Variants in VPS13C observed in about 807,000 individuals in gnomAD.
The protein encoded by VPS13C is vacuolar protein sorting 13 homolog C.
Under a neutral mutation model 456.8 loss-of-function variants are expected in VPS13C, and 358 were observed. That is an observed-to-expected ratio of 0.78 (90% CI 0.72 to 0.86). VPS13C has a LOEUF of 0.86. Among genes scored for constraint, VPS13C ranks in the 40% least tolerant of loss-of-function variants. The pLI is 0.00. For missense variants in VPS13C, 4,818 were observed against 4,385.4 expected (o/e 1.10, Z -2.79); for synonymous variants, 1,578 against 1,486.7 (o/e 1.06, Z -1.41).
At chr15:62,021,452 G>GT (rs1567119702) in intron 8 of VPS13C, among the ~76,000 whole-genome samples, 1 of 151,718 alleles carries the variant, frequency 6.6e-6, no homozygotes, top group Non-Finnish European at 1.5e-5. Flanking sequence ...AGTTTTTGTT[G>GT]TATTTCTGAT....
chr15:62,032,873 C>T (rs1156487514), intron 5 of VPS13C, among the ~76,000 whole-genome samples: 1 of 151,652 alleles, frequency 6.6e-6, no homozygotes, highest in African/African-American at 2.4e-5. Flanking sequence ...CTTGTTCTTG[C>T]TCTATAAACC....
At position 61,973,460 on chromosome 15, in the gene VPS13C, C is replaced by G; in HGVS notation, c.2611G>C (p.Glu871Gln). ...AGTATTTTACTTTCCTTACCTGATT[C>G]CACAGTGTCTAGCAATAGTGAAGTA... ...LGTSLLLDTV[E>Q]SESDDEYFDA... Residue 871 changes from glutamate to glutamine, a missense_variant, in exon 26 of 85, where the codon GAA becomes CAA. Physicochemically the swap from Glu to Gln is conservative, Grantham distance 29. Around this residue, in one of 3 missense-constraint regions of VPS13C, gnomAD observed 4,552 missense variants for 4,130.6 expected, o/e 1.10. Transcript: ENST00000644861. The G allele has an allele frequency of 6.2e-7, 1 of 1,610,252 alleles. No individual in the cohort carries two copies. Among genetic ancestry groups the G allele is most frequent in the Non-Finnish European group, 8.5e-7 (1 of 1,176,908 alleles).
In VPS13C at chr15:61,981,417, A is replaced by C; in HGVS notation, c.2091T>G (p.Ser697=). The change falls in exon 22 of 85, where the codon TCT becomes TCG. Residue 697 remains serine, a synonymous_variant. Transcript: ENST00000644861. Reference sequence around the variant, plus strand: ...AACCCGTCTGTGGAACTACTAGATAAGAAGGCTTCAGATTTATCCTTAAAT... The same window carrying C: ...AACCCGTCTGTGGAACTACTAGATACGAAGGCTTCAGATTTATCCTTAAAT... ...VLDLRINLKP[S]YLVVPQTGFH... 6.2e-7 allele frequency: 1 copy of C among 1,613,056 alleles called. No individual in the cohort carries two copies. The highest frequency in any genetic ancestry group is 1.7e-5 in the Admixed American group (1 of 59,804).
At chr15:61,894,148 A>C (rs924798087) in intron 66 of VPS13C, among the ~76,000 whole-genome samples, 4 of 152,112 alleles carry the variant, frequency 2.6e-5, no homozygotes, top group African/African-American at 9.7e-5. Flanking sequence ...TCTACTAAAA[A>C]TACAAAAAAA....
At chr15:61,890,085 T>G in intron 67 of VPS13C, 80 bp downstream of exon 67, 1 of 1,340,092 alleles carries the variant, frequency 7.5e-7, no homozygotes, top group South Asian at 1.3e-5. Context: ...ACCAGGTATC[T>G]TTTTACTTTC....
chr15:61,948,267 G>C (rs1031857371), intron 42 of VPS13C, among the ~76,000 whole-genome samples: 1 of 152,104 alleles, frequency 6.6e-6, no homozygotes, highest in African/African-American at 2.4e-5. Flanking sequence ...TAATATAAAG[G>C]AGAGGAATTT....
intron 37 of VPS13C, among the ~76,000 whole-genome samples, chr15:61,955,766 C>T (rs898464723): frequency 6.6e-6 from 1 of 151,978 alleles, no homozygotes; most frequent in Admixed American, 6.6e-5. Context: ...ATTAAAAGAT[C>T]CATTAAAAGA....
intron 16 of VPS13C, among the ~76,000 whole-genome samples, chr15:61,997,016 T>C (rs1273409226): frequency 1.3e-5 from 2 of 151,146 alleles, no homozygotes; most frequent in East Asian, 3.9e-4. Flanking sequence ...TATATATGTA[T>C]AGAATATAAA....
At chr15:62,018,754 T>C (rs1204518090) in intron 9 of VPS13C, among the ~76,000 whole-genome samples, 5 of 152,136 alleles carry the variant, frequency 3.3e-5, no homozygotes, top group Admixed American at 6.5e-5. Context: ...TTCTCTTTTT[T>C]GGTTGTGTCT....
intron 1 of VPS13C, among the ~76,000 whole-genome samples, chr15:62,058,378 G>C (rs2048871200): frequency 6.6e-6 from 1 of 152,076 alleles, no homozygotes; most frequent in South Asian, 2.1e-4. Context: ...TGAGTGTGGT[G>C]GGGGGATGTA....
rs1182448125 is a variant in VPS13C at position 62,033,433 on chromosome 15, C to T, written c.385+8G>A. The T allele has an allele frequency of 2.5e-6, 4 of 1,585,930 alleles. No homozygotes were observed. Among genetic ancestry groups the T allele is most frequent in the Non-Finnish European group, 3.4e-6 (4 of 1,165,322 alleles). On this transcript the variant is annotated splice_region_variant and intron_variant, in intron 5 of 84. Coordinates refer to ENST00000644861, the MANE Select transcript of VPS13C (RefSeq NM_020821.3). ...TATGTCTAAGTTTATCTCAAAAAAA[C>T]TTTTTACCTTTTTCTGCTGCTTTTT...
chr15:62,026,332 A>G (rs981653957), intron 6 of VPS13C, among the ~76,000 whole-genome samples: 2 of 151,982 alleles, frequency 1.3e-5, no homozygotes, highest in Non-Finnish European at 2.9e-5. Context: ...TGCTTTACTG[A>G]ATTATGCAAA....
At chr15:61,999,129 A>T (rs2046502549) in intron 16 of VPS13C, among the ~76,000 whole-genome samples, 1 of 152,202 alleles carries the variant, frequency 6.6e-6, no homozygotes, top group African/African-American at 2.4e-5. Flanking sequence ...CTGTAATCCC[A>T]GCACTTTGGG....
intron 1 of VPS13C, among the ~76,000 whole-genome samples, chr15:62,047,526 A>G (rs751702046): frequency 2.6e-5 from 4 of 152,232 alleles, no homozygotes; most frequent in Non-Finnish European, 5.9e-5. Flanking sequence ...GTTATCTAAC[A>G]AACAGTAACT....
At chr15:62,019,416 G>C (rs2047376109) in intron 9 of VPS13C, among the ~76,000 whole-genome samples, 1 of 151,950 alleles carries the variant, frequency 6.6e-6, no homozygotes, top group South Asian at 2.1e-4. Context: ...GCTTTCTCTT[G>C]TGGGCATTTA....
At chr15:61,907,712 T>A (rs12441358) in intron 65 of VPS13C, among the ~76,000 whole-genome samples, 10,874 of 152,146 alleles carry the variant, frequency 0.071, 609 homozygotes, top group East Asian at 0.21. Flanking sequence ...AGGAAATATG[T>A]TTAGTAGCAG....
chr15:61,958,624 T>C lies in VPS13C; in HGVS notation c.4149A>G (p.Pro1383=). ...EGTEDLDKVK[P]RVQETGEIKE... ...GCCTCTTACCTGTCTCTTGTACTCT[T>C]GGTTTCACTTTATCCAAGTCTTCAG... Residue 1383 remains proline, a synonymous_variant, in exon 37 of 85, where the codon CCA becomes CCG. Transcript: ENST00000644861. 6.4e-7 allele frequency: 1 copy of C among 1,573,292 alleles called. No homozygotes were observed. Among genetic ancestry groups the C allele is most frequent in the South Asian group, 1.2e-5 (1 of 84,356 alleles).
intron 6 of VPS13C, 34 bp from the exon 7 acceptor site, chr15:62,023,879 T>C (rs768978493): frequency 5.0e-6 from 8 of 1,589,682 alleles, no homozygotes; most frequent in Non-Finnish European, 6.9e-6. Flanking sequence ...GAGAAAAGGA[T>C]AAGATTCAAG....
At chr15:62,017,251 T>C (rs2047288530) in intron 9 of VPS13C, among the ~76,000 whole-genome samples, 1 of 152,202 alleles carries the variant, frequency 6.6e-6, no homozygotes, top group Non-Finnish European at 1.5e-5. Context: ...TTCACTCTGA[T>C]GATAGTTTCT....
Sources: allele counts gnomAD v4.1 joint callset (sites outside exome capture counted in the v4.1 genomes callset), GRCh38; gene constraint gnomAD v4.1.1; regional missense constraint gnomAD v4.1.1; transcripts MANE v1.5; gene names NCBI Gene and HGNC (gene_info 2026-07-23, HGNC 2026-07-21).